The following TUSC3 variants were observed in gnomAD, a reference collection of about 807,000 sequenced individuals.
TUSC3 encodes dolichyl-diphosphooligosaccharide--protein glycosyltransferase subunit TUSC3.
TUSC3 carries 45 observed loss-of-function variants against 44.8 expected under a neutral mutation model. The ratio of observed to expected loss-of-function variants is 1.00; its 90% CI spans 0.79 to 1.29. TUSC3 has a LOEUF of 1.29. Ranked by LOEUF, TUSC3 falls within the 50% of genes most tolerant of loss-of-function variation. The pLI, the probability that TUSC3 is intolerant of heterozygous loss-of-function variation, is 0.00. For missense variants in TUSC3, 519 were observed against 437.9 expected, an observed-to-expected ratio of 1.19 and a Z score of -1.65; for synonymous variants, 212 against 152.9, an observed-to-expected ratio of 1.39 and a Z score of -2.85.
At chr8:15,511,625 T>A (rs951144441) in intron 2 of TUSC3, among the ~76,000 whole-genome samples, 2 of 152,166 alleles carry the variant, frequency 1.3e-5, no homozygotes, top group African/African-American at 4.8e-5. Context: ...ATTCCAGCAC[T>A]TTGGGAGGCC....
chr8:15,798,643 G>GGTGT, the TUSC3 span, among the ~76,000 whole-genome samples: 7,357 of 135,406 alleles, frequency 0.054, 337 homozygotes, highest in African/African-American at 0.15. Flanking sequence ...TACTCTCCTG[G>GGTGT]GTGTGTGGGG....
intron 6 of TUSC3, among the ~76,000 whole-genome samples, chr8:15,726,304 A>G (rs1285006323): frequency 6.6e-6 from 1 of 152,084 alleles, no homozygotes; most frequent in Non-Finnish European, 1.5e-5. Flanking sequence ...ATAATTTTTT[A>G]TTTTCAAGTA....
At chr8:15,592,384 A>T (rs961365396) in intron 1 of TUSC3, among the ~76,000 whole-genome samples, 2 of 152,126 alleles carry the variant, frequency 1.3e-5, no homozygotes, top group Non-Finnish European at 1.5e-5. Context: ...TCATGTCAAA[A>T]TGTGATCCCA....
intron 1 of TUSC3, among the ~76,000 whole-genome samples, chr8:15,572,554 G>A (rs921429349): frequency 6.6e-6 from 1 of 152,112 alleles, no homozygotes; most frequent in African/African-American, 2.4e-5. Context: ...TGAAAACATT[G>A]CATTTGCATT....
At chr8:15,835,143 T>C in the TUSC3 span, among the ~76,000 whole-genome samples, 2 of 152,234 alleles carry the variant, frequency 1.3e-5, no homozygotes, top group Admixed American at 6.5e-5. Flanking sequence ...TGGTAACTCA[T>C]CTTTTTAGAC....
At chr8:15,754,221 T>G (rs1027845943) in intron 9 of TUSC3, among the ~76,000 whole-genome samples, 6 of 152,122 alleles carry the variant, frequency 3.9e-5, no homozygotes, top group African/African-American at 7.2e-5. Context: ...CCTTTAGTAC[T>G]TCTGCAAAGA....
At chr8:15,622,510 C>A (rs1016589183) in intron 1 of TUSC3, among the ~76,000 whole-genome samples, 1 of 152,162 alleles carries the variant, frequency 6.6e-6, no homozygotes, top group African/African-American at 2.4e-5. Flanking sequence ...ACTAATAGCC[C>A]AGTTCCACCT....
chr8:15,570,287 C>CAG (rs1802825927), intron 1 of TUSC3, among the ~76,000 whole-genome samples: 1 of 151,974 alleles, frequency 6.6e-6, no homozygotes, highest in Non-Finnish European at 1.5e-5. Context: ...CACACACACA[C>CAG]ACACACACAC....
At chr8:15,483,879 G>T (rs188532184) in intron 2 of TUSC3, among the ~76,000 whole-genome samples, 2 of 146,070 alleles carry the variant, frequency 1.4e-5, no homozygotes, top group African/African-American at 5.1e-5. Flanking sequence ...GGGTGGTCTC[G>T]ATCTCCTGAC....
chr8:15,845,072 A>T, the TUSC3 span, among the ~76,000 whole-genome samples: 4 of 152,228 alleles, frequency 2.6e-5, no homozygotes, highest in African/African-American at 9.6e-5. Flanking sequence ...CTTTTAGTTC[A>T]AGCCTATCTA....
chr8:15,692,403 A>G lies in TUSC3; in HGVS notation c.798+18567A>G, dbSNP rs569798312. Among the ~76,000 whole-genome samples, 325 of 78,942 alleles carry G rather than the reference A, an allele frequency of 4.1e-3. 1 individual carries two copies. The highest frequency in any genetic ancestry group is 5.9e-3 in the Non-Finnish European group (261 of 44,134). 51.8% of individuals were successfully genotyped at this position (78,942 alleles called of 152,430 possible). A position where few individuals can be genotyped will look rare whatever the true frequency, so the allele number is the denominator to read the frequency against. ...TTTTTTTTTTTTTTTTTTTTTTGCAATAGTTTCAGTGGGAATGGTACCAGC... is the reference window on the plus strand; with the variant it reads ...TTTTTTTTTTTTTTTTTTTTTTGCAGTAGTTTCAGTGGGAATGGTACCAGC... On this transcript the variant is annotated intron_variant, in intron 6 of 10. Coordinates refer to ENST00000503731, the MANE Select transcript of TUSC3 (RefSeq NM_006765.4).
intron 1 of TUSC3, among the ~76,000 whole-genome samples, chr8:15,579,134 T>G (rs1411570098): frequency 2.0e-5 from 3 of 151,956 alleles, no homozygotes; most frequent in Non-Finnish European, 4.4e-5. Flanking sequence ...CTGATATTAG[T>G]TTGTATTTCT....
At chr8:15,840,652 G>GA in the TUSC3 span, among the ~76,000 whole-genome samples, 5 of 151,982 alleles carry the variant, frequency 3.3e-5, no homozygotes, top group South Asian at 2.1e-4. Context: ...AATCTGGTAT[G>GA]AAAAAAATAG....
intron 2 of TUSC3, among the ~76,000 whole-genome samples, chr8:15,649,211 T>G (rs918467055): frequency 6.6e-6 from 1 of 151,902 alleles, no homozygotes; most frequent in Non-Finnish European, 1.5e-5. Flanking sequence ...CAAATACATG[T>G]TTTTTTTCGT....
chr8:15,697,547 C>T (rs1038021316), intron 6 of TUSC3, among the ~76,000 whole-genome samples: 3 of 152,160 alleles, frequency 2.0e-5, no homozygotes, highest in African/African-American at 7.2e-5. Context: ...TTCTCAAATG[C>T]AAATATCTTG....
the TUSC3 span, chr8:15,806,628 T>C: frequency 7.2e-7 from 1 of 1,384,218 alleles, no homozygotes; most frequent in South Asian, 1.2e-5. Context: ...GATCTTTCAG[T>C]GTCATGGACT....
chr8:15,568,002 T>C (rs1411301174), intron 1 of TUSC3, among the ~76,000 whole-genome samples: 3 of 152,140 alleles, frequency 2.0e-5, no homozygotes, highest in African/African-American at 7.2e-5. Flanking sequence ...AACCCCCTTT[T>C]CTATGGCCAC....
At chr8:15,438,771 G>A (rs906099012) in intron 1 of TUSC3, among the ~76,000 whole-genome samples, 4 of 152,090 alleles carry the variant, frequency 2.6e-5, no homozygotes, top group Non-Finnish European at 5.9e-5. Context: ...AATATATTGG[G>A]TAAATTTCTC....
chr8:15,746,401 G>A (rs903873822), intron 8 of TUSC3, among the ~76,000 whole-genome samples: 1 of 152,054 alleles, frequency 6.6e-6, no homozygotes, highest in African/African-American at 2.4e-5. Flanking sequence ...CCTTTTTGAT[G>A]TGATTTTTAT....
Sources: allele counts gnomAD v4.1 joint callset (sites outside exome capture counted in the v4.1 genomes callset), GRCh38; gene constraint gnomAD v4.1.1; transcripts MANE v1.5; gene names NCBI Gene and HGNC (gene_info 2026-07-23, HGNC 2026-07-21).